MYO1E: variants seen among roughly 807,000 people sequenced by gnomAD.
MYO1E encodes the protein myosin IE.
In MYO1E, 68 loss-of-function variants were observed where a neutral mutation model predicts 151.1. The ratio of observed to expected loss-of-function variants is 0.45; its 90% CI spans 0.37 to 0.55. MYO1E has a LOEUF of 0.55. Among genes scored for constraint, MYO1E ranks in the 20% least tolerant of loss-of-function variants. MYO1E has a pLI of 0.00. For missense variants in MYO1E, 1,363 were observed against 1,389.3 expected (o/e 0.98, Z 0.30); for synonymous variants, 601 against 501.7 (o/e 1.20, Z -2.64).
intron 1 of MYO1E, among the ~76,000 whole-genome samples, chr15:59,338,104 G>A (rs567032248): frequency 1.9e-3 from 283 of 151,852 alleles, no homozygotes; most frequent in African/African-American, 6.5e-3. Context: ...TGTAACTAAA[G>A]TGGCCCTATA....
chr15:59,261,602 CT>C, intron 2 of MYO1E, 93 bp from the exon 3 acceptor site: 1 of 855,238 alleles, frequency 1.2e-6, no homozygotes. Context: ...TTCACAATGA[CT>C]GTCCAAGTGG....
At chr15:59,168,231 G>A (rs1480098012) in intron 22 of MYO1E, among the ~76,000 whole-genome samples, 1 of 152,044 alleles carries the variant, frequency 6.6e-6, no homozygotes, top group Non-Finnish European at 1.5e-5. Context: ...TTTTATTATG[G>A]AAAATTCTAA....
intron 1 of MYO1E, among the ~76,000 whole-genome samples, chr15:59,356,655 G>A (rs781005967): frequency 2.0e-5 from 3 of 152,128 alleles, no homozygotes; most frequent in African/African-American, 4.8e-5. Flanking sequence ...TCGGCTCACT[G>A]CACCCTCTGC....
chr15:59,310,438 A>AAGAAG (rs1256843179), intron 1 of MYO1E, among the ~76,000 whole-genome samples: 1 of 152,190 alleles, frequency 6.6e-6, no homozygotes, highest in African/African-American at 2.4e-5. Flanking sequence ...CACGTCCTTA[A>AAGAAG]AGAAGAGAAG....
intron 1 of MYO1E, among the ~76,000 whole-genome samples, chr15:59,302,301 G>C (rs1014098940): frequency 5.3e-5 from 8 of 152,178 alleles, no homozygotes; most frequent in African/African-American, 1.9e-4. Context: ...CCCCAAAATA[G>C]ACCTTCTATA....
intron 1 of MYO1E, among the ~76,000 whole-genome samples, chr15:59,358,532 C>A (rs1397406273): frequency 3.3e-5 from 5 of 152,258 alleles, no homozygotes; most frequent in South Asian, 4.2e-4. Context: ...TTTTTCTACA[C>A]CCCAAGCCCT....
At position 59,158,523 on chromosome 15, in the gene MYO1E, G is replaced by A. The variant is rs2079520848; in HGVS notation, c.2786-144C>T. 8.6e-6 allele frequency: 6 copies of A among 700,022 alleles called. No individual in the cohort carries two copies. The East Asian group carries it at 1.6e-4, about 19-fold the overall frequency. 43.4% of individuals were successfully genotyped at this position (700,022 alleles called of 1,614,324 possible). A position where few individuals can be genotyped will look rare whatever the true frequency, so the allele number is the denominator to read the frequency against. On this transcript the variant is annotated intron_variant, in intron 24 of 27. Coordinates refer to ENST00000288235, the MANE Select transcript of MYO1E (RefSeq NM_004998.4). ...CAGGAGAACAGTTGCAGTGGAGAAG[G>A]AGCCGTTGAGGGAAGTATGTAATGG...
At chr15:59,206,846 G>A (rs1386681716) in intron 14 of MYO1E, 91 of 1,309,740 alleles carry the variant, frequency 6.9e-5, no homozygotes, top group Non-Finnish European at 8.7e-5. Context: ...CTGCCGTAGA[G>A]TGCTGAAGGT....
chr15:59,261,453 A>T lies in MYO1E; in HGVS notation c.204T>A (p.Phe68Leu). 1.2e-6 allele frequency: 2 copies of T among 1,611,464 alleles called. No homozygotes were observed. Among genetic ancestry groups the T allele is most frequent in the Non-Finnish European group, 1.7e-6 (2 of 1,177,768 alleles). ...GGTACATTTCAATTTCCTTTTCCCC[A>T]AAATATGGCATCTGCTTGAAAGGGT... is the stretch of plus-strand genomic sequence containing the variant. ...SVNPFKQMPYFGEKEIEMYQG... is the reference protein window; with the variant it reads ...SVNPFKQMPYLGEKEIEMYQG... Residue 68 changes from phenylalanine to leucine, a missense_variant, in exon 3 of 28, where the codon TTT becomes TTA. By Grantham distance (22) the Phe-to-Leu change is conservative (BLOSUM62 0). Coordinates refer to ENST00000288235, the MANE Select transcript of MYO1E (RefSeq NM_004998.4).
At chr15:59,313,090 T>C (rs915909350) in intron 1 of MYO1E, among the ~76,000 whole-genome samples, 2 of 152,208 alleles carry the variant, frequency 1.3e-5, no homozygotes, top group Admixed American at 6.5e-5. Context: ...CTCCCGTAGA[T>C]TCTGGTGCTG....
intron 19 of MYO1E, among the ~76,000 whole-genome samples, chr15:59,176,449 C>CTTTT (rs68139054): frequency 1.8e-5 from 2 of 111,978 alleles, no homozygotes; most frequent in Non-Finnish European, 2.0e-5. Flanking sequence ...TTTCTTTTTC[C>CTTTT]TTTTTTTTTT....
intron 1 of MYO1E, among the ~76,000 whole-genome samples, chr15:59,294,795 C>A (rs1243886699): frequency 6.6e-6 from 1 of 152,212 alleles, no homozygotes; most frequent in Non-Finnish European, 1.5e-5. Flanking sequence ...TCCCACAATG[C>A]CTCATGCTCC....
intron 1 of MYO1E, among the ~76,000 whole-genome samples, chr15:59,303,072 G>A (rs2080492656): frequency 1.3e-5 from 2 of 152,162 alleles, no homozygotes; most frequent in Admixed American, 1.3e-4. Flanking sequence ...TGTAATGCCT[G>A]GCTGGTATTT....
intron 1 of MYO1E, among the ~76,000 whole-genome samples, chr15:59,356,879 GTTT>G (rs1279973121): frequency 8.6e-6 from 1 of 116,698 alleles, no homozygotes. Context: ...CTCCTGTTAA[GTTT>G]TTTTTTTTGT....
intron 1 of MYO1E, among the ~76,000 whole-genome samples, chr15:59,356,380 A>G (rs1451495518): frequency 6.6e-6 from 1 of 152,216 alleles, no homozygotes; most frequent in African/African-American, 2.4e-5. Flanking sequence ...TTCAAATCAC[A>G]GGGTGCTTTC....
chr15:59,217,816 C>T, intron 10 of MYO1E, 75 bp downstream of exon 10: 1 of 1,543,316 alleles, frequency 6.5e-7, no homozygotes, highest in Non-Finnish European at 9.0e-7. Context: ...GTGTGAGCCA[C>T]CGCACCCAGC....
At chr15:59,294,706 G>A (rs772559585) in intron 1 of MYO1E, among the ~76,000 whole-genome samples, 2 of 152,168 alleles carry the variant, frequency 1.3e-5, no homozygotes, top group Non-Finnish European at 2.9e-5. Flanking sequence ...CTTGCCCTCA[G>A]GGGAGCTCCT....
intron 10 of MYO1E, 22 bp downstream of exon 10, chr15:59,217,869 A>G: frequency 6.2e-7 from 1 of 1,612,216 alleles, no homozygotes; most frequent in African/African-American, 1.3e-5. Context: ...AAGCATCACC[A>G]GCATCAACTT....
chr15:59,216,622 C>CTATCT (rs2079916660), intron 10 of MYO1E, among the ~76,000 whole-genome samples: 1 of 73,688 alleles, frequency 1.4e-5, no homozygotes, highest in Non-Finnish European at 3.2e-5. Flanking sequence ...ATCTATCTAT[C>CTATCT]TTTTGGATCG....
Sources: gnomAD v4.1 joint callset for allele counts (sites outside exome capture counted in the v4.1 genomes callset) on GRCh38, gnomAD v4.1.1 for gene constraint, MANE v1.5 for transcripts, NCBI Gene and HGNC (gene_info 2026-07-23, HGNC 2026-07-21) for gene names.